The following CDH18 variants were observed in gnomAD, a reference collection of about 807,000 sequenced individuals.
CDH18 encodes the protein cadherin 18.
Under a neutral mutation model 67.9 loss-of-function variants are expected in CDH18, and 31 were observed. The observed-to-expected ratio is 0.46, with a 90% CI of 0.34 to 0.62. The LOEUF (loss-of-function observed/expected upper bound fraction) is 0.62, where lower values mean the gene tolerates loss of function less well. CDH18 is among the 20% of genes least tolerant of loss of function. The probability of loss-of-function intolerance (pLI) is 0.01; values close to 1 mark genes in which losing one functional copy is unlikely to be tolerated. For synonymous variants in CDH18, 362 were observed against 347.2 expected (o/e 1.04, Z -0.48); for missense variants, 890 against 975.5 (o/e 0.91, Z 1.17).
At position 20,522,940 on chromosome 5, in the gene CDH18, AC is replaced by A. The variant is rs530265090; in HGVS notation, c.-580+52521del. On this transcript the variant is annotated intron_variant, in intron 1 of 14. Transcript: ENST00000507958. ...CTAAATCAATAATGATTATTATGCA[AC>A]CAATGAATCAAAATTCTTGCATTTT... 1.1e-4 allele frequency among the ~76,000 whole-genome samples: 16 copies of A among 152,298 alleles called. No individual in the cohort carries two copies. The East Asian group carries it at 2.9e-3, about 28-fold the overall frequency.
intron 2 of CDH18, among the ~76,000 whole-genome samples, chr5:20,211,057 C>T (rs752386586): frequency 6.6e-6 from 1 of 151,976 alleles, no homozygotes; most frequent in Non-Finnish European, 1.5e-5. Flanking sequence ...TCCAGACCAC[C>T]ACAATAAAGC....
At chr5:20,101,769 G>C (rs1746487541) in intron 2 of CDH18, among the ~76,000 whole-genome samples, 1 of 152,208 alleles carries the variant, frequency 6.6e-6, no homozygotes, top group Admixed American at 6.5e-5. Flanking sequence ...TAATAGAAAG[G>C]CTGTGTTAGA....
chr5:20,338,055 G>T (rs1018997960), intron 1 of CDH18, among the ~76,000 whole-genome samples: 3 of 152,114 alleles, frequency 2.0e-5, no homozygotes, highest in African/African-American at 7.2e-5. Context: ...AGGAGAACAC[G>T]ATGGGAAAGA....
At position 20,061,274 on chromosome 5, in the gene CDH18, A is replaced by G. The variant is rs111942238; in HGVS notation, c.-517-69260T>C. ...AAATATTAAGAACTCCACAAAAATT[A>G]TTTAGAAATAAATAATGAAAATAAA... On this transcript the variant is annotated intron_variant, in intron 2 of 14. Coordinates refer to the CDH18 transcript ENST00000507958. Among the ~76,000 whole-genome samples, 964 of 152,192 alleles carry G rather than the reference A, an allele frequency of 6.3e-3. 18 individuals carry two copies. The highest frequency in any genetic ancestry group is 0.021 in the African/African-American group (865 of 41,548).
intron 5 of CDH18, among the ~76,000 whole-genome samples, chr5:19,647,527 CAAA>C (rs3062888): frequency 1.7e-3 from 50 of 28,778 alleles, no homozygotes; most frequent in African/African-American, 6.7e-3. Flanking sequence ...GAGACTCCAT[CAAA>C]AAAAAAAAAA....
chr5:20,516,559 G>A (rs570106953), intron 1 of CDH18, among the ~76,000 whole-genome samples: 1 of 151,894 alleles, frequency 6.6e-6, no homozygotes, highest in South Asian at 2.1e-4. Context: ...AGTTTCAGAA[G>A]TTTGCAAGCA....
At chr5:19,612,412 A>G in intron 6 of CDH18, 22 bp downstream of exon 6, 1 of 1,610,804 alleles carries the variant, frequency 6.2e-7, no homozygotes, top group Non-Finnish European at 8.5e-7. Context: ...ATAAATTCAA[A>G]TCATGGAAAA....
At chr5:20,300,303 CGTGT>C (rs67689740) in intron 1 of CDH18, among the ~76,000 whole-genome samples, 70,444 of 148,472 alleles carry the variant, frequency 0.47, 18,121 homozygotes, top group Middle Eastern at 0.62. Flanking sequence ...TGTGTGTGTG[CGTGT>C]GTGTGTGTGT....
chr5:19,585,676 T>C (rs1744031652), intron 7 of CDH18, among the ~76,000 whole-genome samples: 1 of 152,208 alleles, frequency 6.6e-6, no homozygotes, highest in African/African-American at 2.4e-5. Context: ...GAAACACTCT[T>C]GTCTCCCAAC....
At chr5:20,334,753 T>TACACACACACACACACACAC (rs35282241) in intron 1 of CDH18, among the ~76,000 whole-genome samples, 1 of 138,348 alleles carries the variant, frequency 7.2e-6, no homozygotes, top group African/African-American at 2.6e-5. Flanking sequence ...CTCTCTCTCA[T>TACACACACACACACACACAC]ACACACACAC....
At chr5:20,391,149 T>A (rs1292671873) in intron 1 of CDH18, among the ~76,000 whole-genome samples, 1 of 151,696 alleles carries the variant, frequency 6.6e-6, no homozygotes, top group East Asian at 1.9e-4. Context: ...AAATAAAAAA[T>A]TAAAAATAAA....
chr5:19,488,332 C>A (rs1285128249), intron 11 of CDH18, among the ~76,000 whole-genome samples: 1 of 152,132 alleles, frequency 6.6e-6, no homozygotes, highest in Non-Finnish European at 1.5e-5. Context: ...CAGCAAATTT[C>A]TTTTCTGATA....
At chr5:19,475,444 T>G (rs2126513264) in intron 12 of CDH18, among the ~76,000 whole-genome samples, 1 of 151,942 alleles carries the variant, frequency 6.6e-6, no homozygotes, top group East Asian at 1.9e-4. Context: ...GAATTCAAAA[T>G]ATGGTTTCTA....
chr5:19,808,247 A>G (rs185797525), intron 3 of CDH18, among the ~76,000 whole-genome samples: 60 of 152,072 alleles, frequency 3.9e-4, no homozygotes, highest in Non-Finnish European at 6.3e-4. Flanking sequence ...ATTATATTTA[A>G]CTTTGTAACT....
chr5:20,161,310 T>C (rs556486921), intron 2 of CDH18, among the ~76,000 whole-genome samples: 1 of 152,318 alleles, frequency 6.6e-6, no homozygotes, highest in South Asian at 2.1e-4. Flanking sequence ...TTGCCTCTCA[T>C]AGTTCAGTAG....
intron 5 of CDH18, among the ~76,000 whole-genome samples, chr5:19,661,455 CT>C (rs1757165850): frequency 6.6e-6 from 1 of 151,760 alleles, no homozygotes; most frequent in African/African-American, 2.4e-5. Context: ...TAATATTTTT[CT>C]TTTAAAATAA....
chr5:19,690,100 T>G (rs1388337260), intron 5 of CDH18, among the ~76,000 whole-genome samples: 1 of 150,972 alleles, frequency 6.6e-6, no homozygotes, highest in South Asian at 2.1e-4. Flanking sequence ...TATATATACA[T>G]ATATATAAAC....
At chr5:19,503,424 C>T (rs1162472799) in intron 10 of CDH18, among the ~76,000 whole-genome samples, 1 of 151,826 alleles carries the variant, frequency 6.6e-6, no homozygotes, top group African/African-American at 2.4e-5. Flanking sequence ...CACATGAATA[C>T]CTGTTGGAGG....
chr5:20,190,618 C>T lies in CDH18; in HGVS notation c.-518+64826G>A, dbSNP rs112955845. On this transcript the variant is annotated intron_variant, in intron 2 of 14. Coordinates refer to the CDH18 transcript ENST00000507958. The stretch of plus-strand genomic sequence containing the variant: ...GATCAATCCCATAGATTGTATCGAG[C>T]CTCTAACTGGAGGTTTCCCAAAGCT... 2.3e-3 allele frequency among the ~76,000 whole-genome samples: 356 copies of T among 152,110 alleles called. 3 individuals are homozygous for T. Among genetic ancestry groups the T allele is most frequent in the African/African-American group, 7.5e-3 (313 of 41,510 alleles).
Sources: gnomAD v4.1 joint callset for allele counts (sites outside exome capture counted in the v4.1 genomes callset) on GRCh38, gnomAD v4.1.1 for gene constraint, MANE v1.5 for transcripts, NCBI Gene and HGNC (gene_info 2026-07-23, HGNC 2026-07-21) for gene names.